Variants in HYDIN observed in about 807,000 individuals in gnomAD.
HYDIN encodes HYDIN axonemal central pair apparatus protein.
In HYDIN, 132 loss-of-function variants were observed where a neutral mutation model predicts 403.9. The observed-to-expected ratio is 0.33, with a 90% CI of 0.28 to 0.38. The LOEUF (loss-of-function observed/expected upper bound fraction) is 0.38, where lower values mean the gene tolerates loss of function less well. Ranked by LOEUF, HYDIN falls within the 10% of genes least tolerant of loss-of-function variation. The pLI, the probability that HYDIN is intolerant of heterozygous loss-of-function variation, is 1.00. For synonymous variants in HYDIN, 1,202 were observed against 1,891.7 expected, an observed-to-expected ratio of 0.64 and a Z score of 9.46; for missense variants, 2,827 against 5,009.5, an observed-to-expected ratio of 0.56 and a Z score of 13.15.
In HYDIN at chr16:70,981,572, C is replaced by T. The variant is rs146837974; in HGVS notation, c.4333-4G>A. The T allele has an allele frequency of 5.9e-4, 949 of 1,609,260 alleles. 3 individuals carry two copies. The African/African-American group carries it at 0.011, about 19-fold the overall frequency. ...CTTGATGTGAACTGATAAAGCCCTA[C>T]GCGGTAGAAAGACCAGAAAAGGGAA... On this transcript the variant is annotated splice_polypyrimidine_tract_variant and splice_region_variant and intron_variant, in intron 28 of 85. Coordinates refer to ENST00000393567, the MANE Select transcript of HYDIN (RefSeq NM_001270974.2).
chr16:70,984,384 T>TAAA (rs71387558), intron 28 of HYDIN, among the ~76,000 whole-genome samples: 3 of 90,712 alleles, frequency 3.3e-5, no homozygotes, highest in African/African-American at 4.3e-5. Flanking sequence ...GACATGGTCT[T>TAAA]AAAAAAAAAA....
chr16:71,193,289 G>A (rs568751447), intron 1 of HYDIN, among the ~76,000 whole-genome samples: 1 of 152,262 alleles, frequency 6.6e-6, no homozygotes, highest in East Asian at 1.9e-4. Context: ...CGCTCATTTG[G>A]TTTGTTTTTC....
chr16:70,838,771 A>C (rs1318916751), intron 76 of HYDIN, among the ~76,000 whole-genome samples: 1 of 151,034 alleles, frequency 6.6e-6, no homozygotes, highest in African/African-American at 2.4e-5. Flanking sequence ...AAATGAGATT[A>C]AGTGACTGAA....
Position 70,832,746 on chromosome 16 carries a change from G to A in HYDIN, c.13899+102C>T, listed in dbSNP as rs558016975. 1.7e-5 allele frequency: 14 copies of A among 831,806 alleles called. No individual in the cohort carries two copies. The Middle Eastern group carries it at 1.6e-3, about 95-fold the overall frequency. 51.5% of individuals were successfully genotyped at this position (831,806 alleles called of 1,614,324 possible). ...TGGAAACGGTGTATTCACAGGCCTC[G>A]TGGAGGGAGGGGGCAGGCCTGCCTG... On this transcript the variant is annotated intron_variant, in intron 80 of 85. Coordinates refer to ENST00000393567, the MANE Select transcript of HYDIN (RefSeq NM_001270974.2).
chr16:71,098,827 T>A (rs2083369204), intron 10 of HYDIN, among the ~76,000 whole-genome samples: 1 of 148,916 alleles, frequency 6.7e-6, no homozygotes, highest in African/African-American at 2.5e-5. Flanking sequence ...AAGGAGTTTG[T>A]CTTATTTGTT....
intron 35 of HYDIN, 120 bp from the exon 36 acceptor site, chr16:70,970,879 A>C (rs1289379202): frequency 2.3e-6 from 2 of 875,234 alleles, no homozygotes; most frequent in African/African-American, 3.3e-5. Flanking sequence ...AACTTATTAT[A>C]AAATTGCATA....
chr16:70,855,169 C>A lies in HYDIN; in HGVS notation c.12402G>T (p.Leu4134=), dbSNP rs760019380. 3 of 1,362,928 alleles carry A rather than the reference C, an allele frequency of 2.2e-6. No homozygotes were observed. Among genetic ancestry groups the A allele is most frequent in the Admixed American group, 1.8e-5 (1 of 56,990 alleles). The allele number at this position is 1,362,928 out of a possible 1,614,324, so 84.4% of individuals were successfully genotyped here. ...TCCAGCCTTCCATGGGACATACAAG[C>A]AGGCTGTTGCTGAAACCTTCAGAAT... ...SRYSEGFSNS[L]LVCPMEGWIP... is the part of the protein sequence containing the mutation. Residue 4134 remains leucine, a synonymous_variant, in exon 73 of 86, where the codon CTG becomes CTT. Transcript: ENST00000393567.
chr16:71,118,729 T>G (rs1184692484), intron 9 of HYDIN, among the ~76,000 whole-genome samples: 1 of 151,318 alleles, frequency 6.6e-6, no homozygotes, highest in Non-Finnish European at 1.5e-5. Flanking sequence ...CTGGCCCCTT[T>G]TGATTGGTGG....
chr16:71,230,046 C>T (rs1284011576), intron 1 of HYDIN, among the ~76,000 whole-genome samples: 8 of 152,166 alleles, frequency 5.3e-5, no homozygotes, highest in Non-Finnish European at 1.0e-4. Context: ...ATATAAGACA[C>T]GACTTTGCTC....
chr16:71,148,314 G>T (rs2085399018), intron 7 of HYDIN, among the ~76,000 whole-genome samples: 2 of 152,144 alleles, frequency 1.3e-5, no homozygotes, highest in African/African-American at 4.8e-5. Flanking sequence ...CTTCTCTTCT[G>T]AGACTGAGAA....
intron 53 of HYDIN, among the ~76,000 whole-genome samples, chr16:70,900,581 C>A (rs1467130017): frequency 1.4e-5 from 2 of 143,124 alleles, no homozygotes; most frequent in African/African-American, 5.3e-5. Flanking sequence ...TAAGGCTGAT[C>A]CCCAGGTGTC....
intron 62 of HYDIN, among the ~76,000 whole-genome samples, chr16:70,878,885 C>G (rs1356997247): frequency 7.1e-6 from 1 of 141,630 alleles, no homozygotes; most frequent in Non-Finnish European, 1.5e-5. Flanking sequence ...AAAATAAAAC[C>G]ATAATTTAAT....
At chr16:71,212,714 C>T (rs1223146612) in intron 1 of HYDIN, among the ~76,000 whole-genome samples, 1 of 151,544 alleles carries the variant, frequency 6.6e-6, no homozygotes, top group East Asian at 1.9e-4. Context: ...GAACAAAGAT[C>T]TGATATCACT....
chr16:70,978,900 T>C lies in HYDIN; in HGVS notation c.4638+14A>G. The C allele has an allele frequency of 6.2e-7, 1 of 1,612,108 alleles. No individual in the cohort carries two copies. The highest frequency in any genetic ancestry group is 1.1e-5 in the South Asian group (1 of 91,036). ...TCCTGCACAGGCGTCCCGTGCAGGC[T>C]GGAGCTGTCTTACCTCAGCAGGCTC... On this transcript the variant is annotated intron_variant, in intron 30 of 85. Transcript: ENST00000393567.
chr16:71,206,898 A>G (rs982241915), intron 1 of HYDIN, among the ~76,000 whole-genome samples: 4 of 152,216 alleles, frequency 2.6e-5, no homozygotes, highest in Non-Finnish European at 5.9e-5. Flanking sequence ...AAATGAATGA[A>G]CAAAACCTCC....
intron 1 of HYDIN, among the ~76,000 whole-genome samples, chr16:71,201,269 T>C (rs1466186030): frequency 3.3e-5 from 5 of 152,224 alleles, no homozygotes; most frequent in Admixed American, 1.3e-4. Context: ...TGCATAGTGA[T>C]TGGCATAGAG....
At chr16:71,168,700 A>G (rs2086345259) in intron 5 of HYDIN, among the ~76,000 whole-genome samples, 1 of 152,128 alleles carries the variant, frequency 6.6e-6, no homozygotes, top group East Asian at 1.9e-4. Context: ...TTTCACAGCC[A>G]AGCTGCAGGG....
chr16:70,822,597 T>C (rs1366577773), intron 83 of HYDIN, among the ~76,000 whole-genome samples: 3 of 152,244 alleles, frequency 2.0e-5, no homozygotes, highest in Non-Finnish European at 2.9e-5. Flanking sequence ...CAGCATCACA[T>C]GTTACAGAGT....
chr16:71,004,973 A>C (rs2079848694), intron 23 of HYDIN, among the ~76,000 whole-genome samples: 1 of 152,190 alleles, frequency 6.6e-6, no homozygotes, highest in Non-Finnish European at 1.5e-5. Flanking sequence ...TGTCCATTTT[A>C]TCTAAGGCTA....
Sources: gnomAD v4.1 joint callset for allele counts (sites outside exome capture counted in the v4.1 genomes callset) on GRCh38, gnomAD v4.1.1 for gene constraint, MANE v1.5 for transcripts, NCBI Gene and HGNC (gene_info 2026-07-23, HGNC 2026-07-21) for gene names.